The following MACROD2 variants were observed in gnomAD, a reference collection of about 807,000 sequenced individuals.
The protein encoded by MACROD2 is ADP-ribose glycohydrolase MACROD2.
A neutral mutation model predicts 70.4 loss-of-function variants in MACROD2; 36 were observed. The ratio of observed to expected loss-of-function variants is 0.51; its 90% CI spans 0.39 to 0.68. The LOEUF is 0.68. MACROD2 is among the 30% of genes least tolerant of loss of function. The probability of loss-of-function intolerance (pLI) is 0.00; values close to 1 mark genes in which losing one functional copy is unlikely to be tolerated. For synonymous variants in MACROD2, 172 were observed against 178.8 expected, an observed-to-expected ratio of 0.96 and a Z score of 0.30; for missense variants, 496 against 538.4, an observed-to-expected ratio of 0.92 and a Z score of 0.78.
chr20:15,134,284 G>A (rs1050297461), intron 5 of MACROD2, among the ~76,000 whole-genome samples: 30 of 150,294 alleles, frequency 2.0e-4, no homozygotes, highest in Non-Finnish European at 3.6e-4. Flanking sequence ...AGCACTTTGG[G>A]AGGCCGAGGC....
At chr20:15,218,541 C>G (rs2076830742) in intron 5 of MACROD2, among the ~76,000 whole-genome samples, 1 of 152,144 alleles carries the variant, frequency 6.6e-6, no homozygotes, top group Non-Finnish European at 1.5e-5. Context: ...TCCATGATGT[C>G]TTATAGAATT....
intron 5 of MACROD2, among the ~76,000 whole-genome samples, chr20:15,161,663 ATC>A (rs1234664515): frequency 6.6e-6 from 1 of 152,036 alleles, no homozygotes; most frequent in Admixed American, 6.6e-5. Flanking sequence ...CAGCTGCATT[ATC>A]TCACTAATTT....
chr20:15,980,898 C>T (rs932249723), intron 13 of MACROD2, among the ~76,000 whole-genome samples: 2 of 152,146 alleles, frequency 1.3e-5, no homozygotes, highest in African/African-American at 4.8e-5. Flanking sequence ...AGCTTGCAAC[C>T]GTATGACTCT....
intron 13 of MACROD2, among the ~76,000 whole-genome samples, chr20:15,981,637 A>G (rs1023107712): frequency 9.9e-5 from 15 of 152,170 alleles, no homozygotes; most frequent in African/African-American, 3.6e-4. Context: ...CTTTCCTGGA[A>G]TCTTAGGTAC....
intron 8 of MACROD2, among the ~76,000 whole-genome samples, chr20:15,664,855 C>T (rs1367398073): frequency 6.6e-6 from 1 of 152,116 alleles, no homozygotes; most frequent in Non-Finnish European, 1.5e-5. Flanking sequence ...GGGAGGTATA[C>T]TCCACCTTCA....
At chr20:14,453,174 T>C (rs988622330) in intron 3 of MACROD2, among the ~76,000 whole-genome samples, 35 of 152,120 alleles carry the variant, frequency 2.3e-4, no homozygotes, top group African/African-American at 8.2e-4. Flanking sequence ...TGCATTCCTA[T>C]GGACATTAAG....
chr20:15,957,241 A>G (rs1271136843), intron 12 of MACROD2, among the ~76,000 whole-genome samples: 1 of 152,170 alleles, frequency 6.6e-6, no homozygotes, highest in Non-Finnish European at 1.5e-5. Flanking sequence ...TTTTGTGATA[A>G]TTCATCAAGC....
intron 12 of MACROD2, among the ~76,000 whole-genome samples, chr20:15,938,402 C>T (rs2065699300): frequency 6.6e-6 from 1 of 152,186 alleles, no homozygotes; most frequent in Non-Finnish European, 1.5e-5. Flanking sequence ...CTGTGTCACA[C>T]TTTGATAATT....
intron 15 of MACROD2, among the ~76,000 whole-genome samples, chr20:16,020,481 C>T (rs1458942150): frequency 6.6e-6 from 1 of 151,630 alleles, no homozygotes; most frequent in East Asian, 1.9e-4. Context: ...GTAATCACAT[C>T]AGTCTGTGGA....
At chr20:15,653,638 C>G (rs1308359534) in intron 8 of MACROD2, among the ~76,000 whole-genome samples, 1 of 152,110 alleles carries the variant, frequency 6.6e-6, no homozygotes, top group Non-Finnish European at 1.5e-5. Context: ...GCATTCTTTC[C>G]CTCAGTGGCC....
At chr20:15,021,254 A>ACG (rs1204742172) in intron 5 of MACROD2, among the ~76,000 whole-genome samples, 8 of 122,830 alleles carry the variant, frequency 6.5e-5, no homozygotes, top group East Asian at 3.1e-4. Context: ...GTGTATGTAT[A>ACG]CACACACCTG....
intron 6 of MACROD2, among the ~76,000 whole-genome samples, chr20:15,359,660 T>A (rs1281043789): frequency 2.0e-5 from 3 of 152,092 alleles, no homozygotes; most frequent in African/African-American, 7.2e-5. Flanking sequence ...ATATCTATCA[T>A]CTCTTTCTCT....
chr20:14,628,109 G>A (rs1984290468), intron 4 of MACROD2, among the ~76,000 whole-genome samples: 1 of 152,154 alleles, frequency 6.6e-6, no homozygotes. Context: ...TTCAGAGTGG[G>A]AAGCAGTGTG....
At chr20:14,031,597 A>C (rs1018990995) in intron 2 of MACROD2, among the ~76,000 whole-genome samples, 1 of 152,184 alleles carries the variant, frequency 6.6e-6, no homozygotes, top group Non-Finnish European at 1.5e-5. Flanking sequence ...CAGTACTGGA[A>C]ATCAGTAGAG....
chr20:14,348,918 A>C (rs2083091900), intron 3 of MACROD2, among the ~76,000 whole-genome samples: 1 of 152,014 alleles, frequency 6.6e-6, no homozygotes, highest in South Asian at 2.1e-4. Context: ...AAATACAAGA[A>C]TTAGCTGGGC....
chr20:15,189,389 GAGAA>G (rs1192419907), intron 5 of MACROD2, among the ~76,000 whole-genome samples: 4 of 152,108 alleles, frequency 2.6e-5, no homozygotes, highest in Admixed American at 2.6e-4. Context: ...TACACAGAGA[GAGAA>G]AGAGAGAAGC....
At chr20:14,963,801 A>G (rs2074605881) in intron 5 of MACROD2, among the ~76,000 whole-genome samples, 2 of 152,188 alleles carry the variant, frequency 1.3e-5, no homozygotes, top group African/African-American at 2.4e-5. Flanking sequence ...TGGGAGGAGA[A>G]GGATCCTCAA....
chr20:15,212,649 G>A (rs1290659826), intron 5 of MACROD2, among the ~76,000 whole-genome samples: 3 of 152,218 alleles, frequency 2.0e-5, no homozygotes, highest in African/African-American at 2.4e-5. Flanking sequence ...TGCAGTTGGT[G>A]TGAGTCTGGT....
chr20:15,230,248 C>T (rs1207517922), intron 6 of MACROD2, among the ~76,000 whole-genome samples, 187 bp downstream of exon 6: 1 of 152,096 alleles, frequency 6.6e-6, no homozygotes, highest in Admixed American at 6.5e-5. Context: ...CTAAATTTTT[C>T]ATGATGTTTC....
Sources: allele counts gnomAD v4.1 joint callset (sites outside exome capture counted in the v4.1 genomes callset), GRCh38; gene constraint gnomAD v4.1.1; transcripts MANE v1.5; gene names NCBI Gene and HGNC (gene_info 2026-07-23, HGNC 2026-07-21).